Variants in ANAPC5 observed in about 807,000 individuals in gnomAD.
ANAPC5 encodes the protein anaphase-promoting complex subunit 5.
A neutral mutation model predicts 91.3 loss-of-function variants in ANAPC5; 60 were observed. The ratio of observed to expected loss-of-function variants is 0.66; its 90% CI spans 0.53 to 0.81. ANAPC5 has a LOEUF of 0.81. Among genes scored for constraint, ANAPC5 ranks in the 40% least tolerant of loss-of-function variants. The pLI is 0.00. For synonymous variants in ANAPC5, 340 were observed against 364.1 expected, an observed-to-expected ratio of 0.93 and a Z score of 0.75; for missense variants, 690 against 931.5, an observed-to-expected ratio of 0.74 and a Z score of 3.37.
chr12:121,309,635 C>A, intron 16 of ANAPC5, 66 bp downstream of exon 16: 1 of 1,507,892 alleles, frequency 6.6e-7, no homozygotes, highest in South Asian at 1.3e-5. Context: ...TTTTCTTCTT[C>A]TGGGTCCTAA....
At chr12:121,341,262 G>A (rs1223416286) in intron 5 of ANAPC5, among the ~76,000 whole-genome samples, 3 of 152,188 alleles carry the variant, frequency 2.0e-5, no homozygotes, top group Non-Finnish European at 4.4e-5. Flanking sequence ...CTTAGATCGA[G>A]AGTTCAAGAC....
intron 1 of ANAPC5, 130 bp downstream of exon 1, chr12:121,352,004 A>G (rs1210524715): frequency 2.1e-5 from 18 of 869,294 alleles, no homozygotes. Context: ...AGCTATCTTT[A>G]TTTCTTCACG....
chr12:121,312,690 G>A (rs1361372878), intron 15 of ANAPC5, among the ~76,000 whole-genome samples: 1 of 132,354 alleles, frequency 7.6e-6, no homozygotes, highest in Non-Finnish European at 1.5e-5. Context: ...CTAGGCGACA[G>A]AGCGAGACTC....
intron 2 of ANAPC5, chr12:121,347,410 G>C (rs1903711270): frequency 8.0e-6 from 2 of 251,298 alleles, no homozygotes; most frequent in Non-Finnish European, 7.6e-6. Context: ...CGGAGGGATT[G>C]CTTGAGCCCA....
At chr12:121,351,970 CAGT>C (rs1472698314) in intron 1 of ANAPC5, among the ~76,000 whole-genome samples, 161 bp downstream of exon 1, 1 of 152,080 alleles carries the variant, frequency 6.6e-6, no homozygotes, top group East Asian at 1.9e-4. Flanking sequence ...CGTAAACGCT[CAGT>C]ACGTGTTAGC....
At chr12:121,351,126 C>T in intron 1 of ANAPC5, 1 of 443,650 alleles carries the variant, frequency 2.3e-6, no homozygotes, top group Non-Finnish European at 4.5e-6. Flanking sequence ...AATCCCAATA[C>T]TCTGGGAGAC....
chr12:121,339,871 T>G (rs1903377204), intron 5 of ANAPC5, among the ~76,000 whole-genome samples: 1 of 131,234 alleles, frequency 7.6e-6, no homozygotes. Flanking sequence ...TCTTCCAGTT[T>G]TTTTTTTTTT....
At position 121,324,213 on chromosome 12, in the gene ANAPC5, AC is replaced by A. The variant is rs575134455; in HGVS notation, c.1440+2882del. Among the ~76,000 whole-genome samples, 274 of 152,290 alleles carry A rather than the reference AC, an allele frequency of 1.8e-3. 1 individual carries two copies. Among genetic ancestry groups the A allele is most frequent in the African/African-American group, 6.2e-3 (259 of 41,566 alleles). ...AGCTGCCTTCTCTGCAGCTGGCCAAACTTAATTTCACAAGTATGAGTCTAAC... is the reference window on the plus strand; with the variant it reads ...AGCTGCCTTCTCTGCAGCTGGCCAAATTAATTTCACAAGTATGAGTCTAAC... On this transcript the variant is annotated intron_variant, in intron 11 of 16. Transcript: ENST00000261819.
intron 15 of ANAPC5, among the ~76,000 whole-genome samples, chr12:121,316,732 CAAAAAA>C (rs35989752): frequency 2.8e-4 from 8 of 28,972 alleles, no homozygotes; most frequent in African/African-American, 6.3e-4. Context: ...GACTCTGTCT[CAAAAAA>C]AAAAAAAAAA....
intron 6 of ANAPC5, among the ~76,000 whole-genome samples, chr12:121,336,273 C>T (rs1284152962): frequency 1.3e-5 from 2 of 151,604 alleles, no homozygotes; most frequent in African/African-American, 2.4e-5. Flanking sequence ...AATCCAAATA[C>T]TATTTAAGAA....
intron 11 of ANAPC5, among the ~76,000 whole-genome samples, chr12:121,323,276 T>C (rs567025295): frequency 1.5e-4 from 23 of 152,278 alleles, no homozygotes; most frequent in Non-Finnish European, 2.4e-4. Context: ...GGGCCATGCT[T>C]TCTGTGAATG....
chr12:121,352,047 C>T (rs1221995912), intron 1 of ANAPC5, 87 bp downstream of exon 1: 9 of 1,250,182 alleles, frequency 7.2e-6, no homozygotes, highest in Non-Finnish European at 9.8e-6. Context: ...CTGATGGACA[C>T]GAGTGTCCCC....
chr12:121,310,660 G>A (rs1382653553), intron 15 of ANAPC5, among the ~76,000 whole-genome samples: 2 of 151,994 alleles, frequency 1.3e-5, no homozygotes, highest in Non-Finnish European at 2.9e-5. Context: ...CAAGGCAGGC[G>A]CAGTGGCTCA....
At chr12:121,340,939 A>G (rs1477670710) in intron 5 of ANAPC5, among the ~76,000 whole-genome samples, 7 of 152,202 alleles carry the variant, frequency 4.6e-5, no homozygotes, top group African/African-American at 1.7e-4. Flanking sequence ...GTAGAAAAAT[A>G]GAGCAAAAAC....
At chr12:121,338,241 A>C (rs1555273727) in intron 5 of ANAPC5, among the ~76,000 whole-genome samples, 1 of 152,104 alleles carries the variant, frequency 6.6e-6, no homozygotes, top group East Asian at 1.9e-4. Context: ...TTCTTTAAAA[A>C]AAATTTTTTT....
rs1555272885 is a variant in ANAPC5 at position 121,331,403 on chromosome 12, C to T, written c.976G>A (p.Glu326Lys). Residue 326 changes from glutamate to lysine, a missense_variant, in exon 8 of 17, where the codon GAG becomes AAG. Glu to Lys is a moderately conservative substitution (Grantham distance 56). Around this residue, in one of 5 missense-constraint regions of ANAPC5, gnomAD observed 83 missense variants for 150.8 expected, o/e 0.55. Coordinates refer to ENST00000261819, the MANE Select transcript of ANAPC5 (RefSeq NM_016237.5). ...GACTCCTGGGCAATCCTAATTGCCT[C>T]CTGCAGGGCGAGCTCTGCCTGTTGA... is the stretch of plus-strand genomic sequence containing the variant. ...HYQQAELALQEAIRIAQESND... is the reference protein window; with the variant it reads ...HYQQAELALQKAIRIAQESND... 1 of 1,608,900 alleles carries T rather than the reference C, an allele frequency of 6.2e-7. No homozygotes were observed. The highest frequency in any genetic ancestry group is 1.1e-5 in the South Asian group (1 of 90,968).
At chr12:121,319,435 T>C (rs1306799984) in intron 13 of ANAPC5, among the ~76,000 whole-genome samples, 1 of 151,974 alleles carries the variant, frequency 6.6e-6, no homozygotes, top group Non-Finnish European at 1.5e-5. Context: ...GGTTTCACCA[T>C]GTTGGCCAGG....
chr12:121,327,328 T>A, intron 10 of ANAPC5, 97 bp from the exon 11 acceptor site: 1 of 1,458,674 alleles, frequency 6.9e-7, no homozygotes, highest in Non-Finnish European at 9.2e-7. Context: ...CGTAAAGTCA[T>A]ACACCTCACA....
At chr12:121,331,763 T>G (rs1903050718) in intron 7 of ANAPC5, 1 of 166,674 alleles carries the variant, frequency 6.0e-6, no homozygotes, top group African/African-American at 2.4e-5. Flanking sequence ...TTCATGGCAT[T>G]CTCTCCTACA....
Sources: allele counts gnomAD v4.1 joint callset (sites outside exome capture counted in the v4.1 genomes callset), GRCh38; gene constraint gnomAD v4.1.1; regional missense constraint gnomAD v4.1.1; transcripts MANE v1.5; gene names NCBI Gene and HGNC (gene_info 2026-07-23, HGNC 2026-07-21).